The following GPC5 variants were observed in gnomAD, a reference collection of about 807,000 sequenced individuals.
GPC5 encodes glypican 5, also known as glypican-5.
A neutral mutation model predicts 53.9 loss-of-function variants in GPC5; 47 were observed. That is an observed-to-expected ratio of 0.87 (90% CI 0.69 to 1.11). The LOEUF is 1.11. Among genes scored for constraint, GPC5 ranks in the 50% most tolerant of loss-of-function variants. GPC5 has a pLI of 0.00. For missense variants in GPC5, 748 were observed against 713.1 expected (o/e 1.05, Z -0.56); for synonymous variants, 286 against 263.3 (o/e 1.09, Z -0.84).
chr13:91,593,904 A>G (rs2139180401), intron 2 of GPC5, among the ~76,000 whole-genome samples: 1 of 152,164 alleles, frequency 6.6e-6, no homozygotes, highest in Non-Finnish European at 1.5e-5. Flanking sequence ...GTGCTCTCAC[A>G]AAGAACTAAA....
At chr13:91,877,759 A>G (rs1389769862) in intron 5 of GPC5, among the ~76,000 whole-genome samples, 1 of 152,168 alleles carries the variant, frequency 6.6e-6, no homozygotes, top group Non-Finnish European at 1.5e-5. Flanking sequence ...AAATGTGAGG[A>G]CATAAGATTT....
At chr13:92,621,454 C>A (rs1218597110) in intron 7 of GPC5, among the ~76,000 whole-genome samples, 1 of 152,186 alleles carries the variant, frequency 6.6e-6, no homozygotes, top group Non-Finnish European at 1.5e-5. Flanking sequence ...GCGAGGCCAA[C>A]ATCTAGCCCA....
At chr13:92,623,890 T>C (rs1378483404) in intron 7 of GPC5, among the ~76,000 whole-genome samples, 4 of 152,082 alleles carry the variant, frequency 2.6e-5, no homozygotes, top group Admixed American at 6.6e-5. Flanking sequence ...AGAGTTTTGC[T>C]CTTGCCCAGG....
intron 7 of GPC5, among the ~76,000 whole-genome samples, chr13:92,425,121 C>T (rs1382176359): frequency 6.6e-6 from 1 of 151,938 alleles, no homozygotes; most frequent in South Asian, 2.1e-4. Context: ...TCCCGTGATG[C>T]CCATCAATCA....
intron 7 of GPC5, among the ~76,000 whole-genome samples, chr13:92,690,599 G>C (rs1352691326): frequency 1.5e-4 from 22 of 144,680 alleles, no homozygotes; most frequent in Non-Finnish European, 3.1e-4. Context: ...GCTTTGTTCT[G>C]TTGCTGGTGA....
intron 7 of GPC5, among the ~76,000 whole-genome samples, chr13:92,351,087 T>G (rs2043473475): frequency 6.6e-6 from 1 of 152,014 alleles, no homozygotes; most frequent in South Asian, 2.1e-4. Context: ...GAAAAAATTT[T>G]GTACTTGGTT....
chr13:91,496,342 G>A (rs1055599485), intron 2 of GPC5, among the ~76,000 whole-genome samples: 1 of 152,150 alleles, frequency 6.6e-6, no homozygotes, highest in African/African-American at 2.4e-5. Flanking sequence ...GTTTATTGCA[G>A]GACCATTCAC....
chr13:91,472,955 A>G (rs2139185772), intron 2 of GPC5, among the ~76,000 whole-genome samples: 1 of 152,282 alleles, frequency 6.6e-6, no homozygotes, highest in South Asian at 2.1e-4. Flanking sequence ...ACTGCTATAC[A>G]CATACTACTC....
rs559841762 is a variant in GPC5 at position 92,858,992 on chromosome 13, C to T, written c.1562-7290C>T. 7.2e-5 allele frequency among the ~76,000 whole-genome samples: 11 copies of T among 152,268 alleles called. No homozygotes were observed. In the South Asian group the frequency reaches 2.3e-3, roughly 32 times the overall value. ...GTGTGGCTCACACCTATAATCCCAA[C>T]ATTTTGGGAAACCAAGGCAGGGGTA... On this transcript the variant is annotated intron_variant, in intron 7 of 7. Coordinates refer to ENST00000377067, the MANE Select transcript of GPC5 (RefSeq NM_004466.6).
intron 7 of GPC5, among the ~76,000 whole-genome samples, chr13:92,316,454 C>G (rs556275743): frequency 6.6e-5 from 10 of 152,006 alleles, no homozygotes; most frequent in Non-Finnish European, 1.0e-4. Flanking sequence ...ACTTGGCTTT[C>G]AGTATAATTA....
chr13:91,589,111 A>T (rs554063291), intron 2 of GPC5, among the ~76,000 whole-genome samples: 1 of 152,126 alleles, frequency 6.6e-6, no homozygotes, highest in African/African-American at 2.4e-5. Context: ...CAACTGCCTA[A>T]TTTTTGTGCA....
chr13:91,831,787 C>T (rs2038662938), intron 5 of GPC5, among the ~76,000 whole-genome samples: 1 of 151,954 alleles, frequency 6.6e-6, no homozygotes, highest in South Asian at 2.1e-4. Context: ...GTTTCTTAAT[C>T]CTGAGTTCTA....
At chr13:91,761,511 C>A (rs139629890) in intron 5 of GPC5, among the ~76,000 whole-genome samples, 172 of 152,272 alleles carry the variant, frequency 1.1e-3, no homozygotes, top group African/African-American at 4.0e-3. Context: ...CAAGTCCCAT[C>A]CTCCAGAACT....
At chr13:91,912,732 T>C (rs1213937874) in intron 6 of GPC5, among the ~76,000 whole-genome samples, 6 of 112,700 alleles carry the variant, frequency 5.3e-5, no homozygotes, top group East Asian at 4.0e-4. Context: ...ATTTAGGTTG[T>C]GACCAGTTTT....
chr13:91,448,069 C>T (rs939349907), intron 1 of GPC5, among the ~76,000 whole-genome samples: 6 of 152,302 alleles, frequency 3.9e-5, no homozygotes, highest in Admixed American at 1.3e-4. Context: ...ATAACTCTTA[C>T]ATTTCATATA....
intron 7 of GPC5, among the ~76,000 whole-genome samples, chr13:92,514,869 A>T (rs1260007818): frequency 6.6e-6 from 1 of 152,170 alleles, no homozygotes; most frequent in Non-Finnish European, 1.5e-5. Context: ...CTTATCTGTG[A>T]CAGCAACCTG....
intron 6 of GPC5, among the ~76,000 whole-genome samples, chr13:91,989,121 A>G (rs1379977162): frequency 6.6e-6 from 1 of 152,160 alleles, no homozygotes; most frequent in Non-Finnish European, 1.5e-5. Flanking sequence ...AACCTGTTAG[A>G]TTGGAGCCTC....
intron 7 of GPC5, among the ~76,000 whole-genome samples, chr13:92,626,122 T>C (rs1319327238): frequency 6.6e-6 from 1 of 152,236 alleles, no homozygotes; most frequent in African/African-American, 2.4e-5. Context: ...TAATAACTTT[T>C]TCTATACTTA....
intron 4 of GPC5, among the ~76,000 whole-genome samples, chr13:91,748,721 G>A (rs1378692065): frequency 6.6e-6 from 1 of 152,192 alleles, no homozygotes; most frequent in Non-Finnish European, 1.5e-5. Flanking sequence ...GAGAAATGAG[G>A]ATGAACCAGT....
Sources: gnomAD v4.1 joint callset for allele counts (sites outside exome capture counted in the v4.1 genomes callset) on GRCh38, gnomAD v4.1.1 for gene constraint, MANE v1.5 for transcripts, NCBI Gene and HGNC (gene_info 2026-07-23, HGNC 2026-07-21) for gene names.